NUP62: variants seen among roughly 807,000 people sequenced by gnomAD.
NUP62 encodes the protein nuclear pore glycoprotein p62.
For missense variants in NUP62, 647 were observed against 689.4 expected, an observed-to-expected ratio of 0.94 and a Z score of 0.69; for synonymous variants, 305 against 303.4, an observed-to-expected ratio of 1.01 and a Z score of -0.05.
Position 49,908,064 on chromosome 19 carries a change from A to G in NUP62, c.*175T>C. The G allele has an allele frequency of 2.9e-6, 4 of 1,384,242 alleles. No individual in the cohort carries two copies. The highest frequency in any genetic ancestry group is 2.9e-6 in the Non-Finnish European group (3 of 1,046,414). The allele number at this position is 1,384,242 out of a possible 1,614,324, so 85.7% of individuals were successfully genotyped here. ...AGGCTGCTGCCTGGGCAGAAGGCCC[A>G]GAATACCCTCCTAAATGGAAAAACG... On this transcript the variant is annotated 3_prime_UTR_variant, in exon 3 of 3. Transcript: ENST00000352066.
intron 2 of NUP62, among the ~76,000 whole-genome samples, chr19:49,910,246 C>T (rs1413587292): frequency 1.3e-5 from 2 of 152,210 alleles, no homozygotes; most frequent in Admixed American, 6.5e-5. Context: ...GTAGGACCTG[C>T]TCCCAGCGTG....
At chr19:49,914,948 C>T (rs1222921396) in intron 2 of NUP62, among the ~76,000 whole-genome samples, 5 of 151,684 alleles carry the variant, frequency 3.3e-5, no homozygotes, top group Non-Finnish European at 5.9e-5. Flanking sequence ...CCATGTTAGC[C>T]GGGCTGGTCT....
chr19:49,909,367 G>A lies in NUP62; in HGVS notation c.441C>T (p.Thr147=). The change falls in exon 3 of 3, where the codon ACC becomes ACT. Residue 147 remains threonine (T), a synonymous_variant. Transcript: ENST00000352066. The part of the protein sequence containing the change: ...PTGFVFGPST[T]SVAPATTSGG... ...CAGATGTGGTAGCTGGAGCCACAGA[G>A]GTGGTGGAGGGGCCAAACACAAAGC... The A allele has an allele frequency of 6.2e-7, 1 of 1,613,720 alleles. No individual in the cohort carries two copies. Among genetic ancestry groups the A allele is most frequent in the South Asian group, 1.1e-5 (1 of 91,080 alleles).
intron 2 of NUP62, among the ~76,000 whole-genome samples, chr19:49,920,230 G>A (rs2075732605): frequency 1.3e-5 from 2 of 152,260 alleles, no homozygotes; most frequent in South Asian, 2.1e-4. Flanking sequence ...CTACAGGCGC[G>A]TGCCACCACA....
chr19:49,909,672 C>A lies in NUP62; in HGVS notation c.136G>T (p.Ala46Ser), dbSNP rs1366658525. 7 of 1,613,930 alleles carry A rather than the reference C, an allele frequency of 4.3e-6. No individual in the cohort carries two copies. Among genetic ancestry groups the A allele is most frequent in the Non-Finnish European group, 5.9e-6 (7 of 1,180,030 alleles). ...GTACTTGTGGCTGGTTGGAAGGGAG[C>A]CCCAAAATTAAACCCTCCAGTGCCA... ...TSGTGGFNFG[A>S]PFQPATSTPS... The change falls in exon 3 of 3, where the codon GCT becomes TCT. Residue 46 changes from alanine (A) to serine (S), a missense_variant. Coordinates refer to ENST00000352066, the MANE Select transcript of NUP62 (RefSeq NM_016553.5).
intron 2 of NUP62, among the ~76,000 whole-genome samples, chr19:49,922,681 C>G (rs2075793629): frequency 6.6e-6 from 1 of 151,736 alleles, no homozygotes; most frequent in South Asian, 2.1e-4. Context: ...TTCTGAATTA[C>G]TTGCCTACCT....
rs530372497 is a variant in NUP62, at chr19:49,914,726, G to GTTTTTTTTT, written c.-77-4851_-77-4843dup. ...GATTCTTGTGCCACTCCAAGTCCCA[G>GTTTTTTTTT]TTTTTTTTTTTTTTTTTTTTTTTTT... On this transcript the variant is annotated intron_variant, in intron 2 of 2. Coordinates refer to ENST00000352066, the MANE Select transcript of NUP62 (RefSeq NM_016553.5). Among the ~76,000 whole-genome samples, 284 of 56,382 alleles carry GTTTTTTTTT rather than the reference G, an allele frequency of 5.0e-3. 47 individuals are homozygous for GTTTTTTTTT. The highest frequency in any genetic ancestry group is 0.019 in the Middle Eastern group (1 of 54). 37.0% of individuals were successfully genotyped at this position (56,382 alleles called of 152,430 possible).
At chr19:49,926,141 G>A (rs574743791) in intron 2 of NUP62, among the ~76,000 whole-genome samples, 12 of 150,790 alleles carry the variant, frequency 8.0e-5, no homozygotes, top group Middle Eastern at 3.4e-3. Flanking sequence ...CCTGGGAGGC[G>A]GTGGTTGCAG....
At position 49,912,166 on chromosome 19, in the gene NUP62, CTTTTTT is replaced by C. The variant is rs60350799; in HGVS notation, c.-77-2288_-77-2283del. 1.2e-4 allele frequency among the ~76,000 whole-genome samples: 14 copies of C among 115,482 alleles called. No homozygotes were observed. The South Asian group carries it at 3.6e-3, about 30-fold the overall frequency. The allele number at this position is 115,482 out of a possible 152,430, so 75.8% of individuals were successfully genotyped here. A position where few individuals can be genotyped will look rare whatever the true frequency, so the allele number is the denominator to read the frequency against. ...GGACTTGTCTGGCTTAACAGTTCAC[CTTTTTT>C]TTTTTTTTTTTTTTGAGACGGGAGT... On this transcript the variant is annotated intron_variant, in intron 2 of 2. Transcript: ENST00000352066.
chr19:49,928,068 C>T (rs1011067706), intron 1 of NUP62: 3 of 152,220 alleles, frequency 2.0e-5, no homozygotes, highest in Non-Finnish European at 2.9e-5. Flanking sequence ...CCTGGGCACC[C>T]ATCATTTGGA....
chr19:49,920,906 G>A (rs2075751301), intron 2 of NUP62, among the ~76,000 whole-genome samples: 1 of 152,200 alleles, frequency 6.6e-6, no homozygotes, highest in Non-Finnish European at 1.5e-5. Flanking sequence ...CTTCCCCGGG[G>A]AGAGGCAGTG....
At chr19:49,913,593 G>A (rs912767297) in intron 2 of NUP62, among the ~76,000 whole-genome samples, 4 of 152,230 alleles carry the variant, frequency 2.6e-5, no homozygotes, top group South Asian at 2.1e-4. Context: ...CACTGTCCGC[G>A]GGACTCTCTC....
chr19:49,917,261 C>A (rs1264029251), intron 2 of NUP62, among the ~76,000 whole-genome samples: 1 of 152,234 alleles, frequency 6.6e-6, no homozygotes, highest in Non-Finnish European at 1.5e-5. Flanking sequence ...ACTGCCTTCC[C>A]TCACTTGCCC....
At chr19:49,911,935 C>T (rs1018585989) in intron 2 of NUP62, among the ~76,000 whole-genome samples, 1 of 152,214 alleles carries the variant, frequency 6.6e-6, no homozygotes, top group African/African-American at 2.4e-5. Context: ...AACAAAAGTC[C>T]TCACTGCTGA....
At position 49,909,845 on chromosome 19, in the gene NUP62, C is replaced by A; in HGVS notation, c.-38G>T. 1 of 1,602,228 alleles carries A rather than the reference C, an allele frequency of 6.2e-7. No homozygotes were observed. Among genetic ancestry groups the A allele is most frequent in the South Asian group, 1.1e-5 (1 of 90,680 alleles). Reference sequence around the variant, plus strand: ...TGGTGGCGGCAGCTACTCTGGCTCCCAAAGCAAATCCGTCGGTGTCTGCAG... The same window carrying A: ...TGGTGGCGGCAGCTACTCTGGCTCCAAAAGCAAATCCGTCGGTGTCTGCAG... On this transcript the variant is annotated 5_prime_UTR_variant, in exon 3 of 3. Transcript: ENST00000352066.
rs140472122 is a variant in NUP62 at position 49,907,174 on chromosome 19, C to T, written c.*1065G>A. 1.1e-3 allele frequency: 191 copies of T among 173,022 alleles called. No individual in the cohort carries two copies. Among genetic ancestry groups the T allele is most frequent in the African/African-American group, 4.2e-3 (174 of 41,664 alleles). The allele number at this position is 173,022 out of a possible 1,614,324, so 10.7% of individuals were successfully genotyped here. A position where few individuals can be genotyped will look rare whatever the true frequency, so the allele number is the denominator to read the frequency against. On this transcript the variant is annotated 3_prime_UTR_variant, in exon 3 of 3. Transcript: ENST00000352066. Reference sequence around the variant, plus strand: ...GGGAACTCACAATCTAACAGCGAGACGAGGCACAAACGGCTAGCACAGGAT... The same window carrying T: ...GGGAACTCACAATCTAACAGCGAGATGAGGCACAAACGGCTAGCACAGGAT...
Position 49,907,537 on chromosome 19 carries a change from C to CTTTTT in NUP62, c.*697_*701dup, listed in dbSNP as rs4009637. On this transcript the variant is annotated 3_prime_UTR_variant, in exon 3 of 3. Coordinates refer to ENST00000352066, the MANE Select transcript of NUP62 (RefSeq NM_016553.5). ...CTAGGCTGCTGTCTCCTGGGAGTTT[C>CTTTTT]TTTTTTTTTTTTTTTTTTTTTGAGA... 1.6e-4 allele frequency: 54 copies of CTTTTT among 332,780 alleles called. No homozygotes were observed. Among genetic ancestry groups the CTTTTT allele is most frequent in the Middle Eastern group, 1.1e-3 (1 of 952 alleles). The allele number at this position is 332,780 out of a possible 1,614,324, so 20.6% of individuals were successfully genotyped here. A position where few individuals can be genotyped will look rare whatever the true frequency, so the allele number is the denominator to read the frequency against.
At chr19:49,928,537 T>C (rs1275838859) in intron 1 of NUP62, 2 of 135,976 alleles carry the variant, frequency 1.5e-5, no homozygotes. Flanking sequence ...AAAAAACAGT[T>C]GAACAGGAAT....
At chr19:49,920,710 A>G (rs1261747485) in intron 2 of NUP62, among the ~76,000 whole-genome samples, 1 of 152,212 alleles carries the variant, frequency 6.6e-6, no homozygotes, top group Non-Finnish European at 1.5e-5. Context: ...GGTTGAGAAC[A>G]GGCTGGGGAA....
Sources: gnomAD v4.1 joint callset for allele counts (sites outside exome capture counted in the v4.1 genomes callset) on GRCh38, gnomAD v4.1.1 for gene constraint, MANE v1.5 for transcripts, NCBI Gene and HGNC (gene_info 2026-07-23, HGNC 2026-07-21) for gene names.